The following EPHA6 variants were observed in gnomAD, a reference collection of about 807,000 sequenced individuals.
EPHA6 encodes ephrin type-A receptor 6.
A neutral mutation model predicts 112.0 loss-of-function variants in EPHA6; 50 were observed. The observed-to-expected ratio is 0.45, with a 90% CI of 0.36 to 0.56. EPHA6 has a LOEUF of 0.56. Among genes scored for constraint, EPHA6 ranks in the 20% least tolerant of loss-of-function variants. EPHA6 has a pLI of 0.00. For synonymous variants in EPHA6, 529 were observed against 490.7 expected, an observed-to-expected ratio of 1.08 and a Z score of -1.03; for missense variants, 1,280 against 1,417.4, an observed-to-expected ratio of 0.90 and a Z score of 1.56.
intron 5 of EPHA6, among the ~76,000 whole-genome samples, chr3:97,342,909 C>T (rs1179670420): frequency 6.6e-6 from 1 of 152,068 alleles, no homozygotes; most frequent in African/African-American, 2.4e-5. Flanking sequence ...GTGACAGCAG[C>T]CTGAGCTGAT....
At chr3:97,608,115 A>G (rs1287514412) in intron 12 of EPHA6, among the ~76,000 whole-genome samples, 1 of 151,108 alleles carries the variant, frequency 6.6e-6, no homozygotes, top group Non-Finnish European at 1.5e-5. Context: ...CCTTAGTTCA[A>G]TTAACAGCTG....
At chr3:97,060,907 G>A (rs1191421789) in intron 3 of EPHA6, among the ~76,000 whole-genome samples, 2 of 116,402 alleles carry the variant, frequency 1.7e-5, no homozygotes, top group Admixed American at 1.2e-4. Flanking sequence ...CTGGGCGACA[G>A]AGCCAGACTC....
chr3:97,424,109 G>A (rs1246708161), intron 6 of EPHA6, among the ~76,000 whole-genome samples: 3 of 152,318 alleles, frequency 2.0e-5, no homozygotes, highest in African/African-American at 7.2e-5. Context: ...AGGCGAATGA[G>A]GAGCAAAGTT....
intron 13 of EPHA6, among the ~76,000 whole-genome samples, chr3:97,634,190 G>A (rs2093926793): frequency 6.6e-6 from 1 of 152,066 alleles, no homozygotes; most frequent in Non-Finnish European, 1.5e-5. Flanking sequence ...TCTACAAGAT[G>A]AAGATAATCA....
intron 10 of EPHA6, among the ~76,000 whole-genome samples, chr3:97,520,011 A>G (rs1452146618): frequency 7.0e-6 from 1 of 143,812 alleles, no homozygotes; most frequent in East Asian, 2.0e-4. Flanking sequence ...TCTGTTGCCC[A>G]GGCTGGAGTG....
chr3:97,070,822 C>T (rs2046327035), intron 3 of EPHA6, among the ~76,000 whole-genome samples: 1 of 151,932 alleles, frequency 6.6e-6, no homozygotes, highest in Non-Finnish European at 1.5e-5. Flanking sequence ...TCTTTATGTC[C>T]ACAGTGCATT....
chr3:97,693,936 T>C (rs545654146), intron 14 of EPHA6, among the ~76,000 whole-genome samples: 2 of 152,388 alleles, frequency 1.3e-5, no homozygotes, highest in African/African-American at 4.8e-5. Context: ...CTGATGGTTA[T>C]AATTGTGCTT....
chr3:96,849,280 G>A (rs2035254118), intron 1 of EPHA6, among the ~76,000 whole-genome samples: 1 of 152,056 alleles, frequency 6.6e-6, no homozygotes, highest in Non-Finnish European at 1.5e-5. Flanking sequence ...GTAGTAATGT[G>A]GATGATTCTG....
At chr3:97,342,156 T>G (rs904865113) in intron 5 of EPHA6, among the ~76,000 whole-genome samples, 4 of 152,204 alleles carry the variant, frequency 2.6e-5, no homozygotes, top group African/African-American at 9.7e-5. Context: ...CTTTCGAATT[T>G]TCATAGCCCT....
At chr3:96,980,009 C>T (rs1302635266) in intron 2 of EPHA6, among the ~76,000 whole-genome samples, 1 of 152,136 alleles carries the variant, frequency 6.6e-6, no homozygotes, top group Non-Finnish European at 1.5e-5. Context: ...GTTGCCTGTT[C>T]ACTCTGATGG....
At chr3:97,564,003 G>A (rs1399671536) in intron 11 of EPHA6, among the ~76,000 whole-genome samples, 4 of 152,064 alleles carry the variant, frequency 2.6e-5, no homozygotes, top group Non-Finnish European at 5.9e-5. Flanking sequence ...GAAGATGGAG[G>A]CTAATAAAGG....
chr3:97,722,733 A>T (rs1387123356), intron 15 of EPHA6, among the ~76,000 whole-genome samples: 1 of 151,506 alleles, frequency 6.6e-6, no homozygotes, highest in Admixed American at 6.6e-5. Context: ...TGTTGATTTA[A>T]ATATATATAT....
chr3:97,469,220 T>C (rs1192832872), intron 7 of EPHA6, among the ~76,000 whole-genome samples: 5 of 151,692 alleles, frequency 3.3e-5, no homozygotes, highest in Non-Finnish European at 1.5e-5. Context: ...TAGTGTACAC[T>C]TTGGAATCTT....
intron 1 of EPHA6, among the ~76,000 whole-genome samples, chr3:96,829,186 A>C (rs1342595762): frequency 2.4e-4 from 36 of 152,178 alleles, no homozygotes. Flanking sequence ...CTTAAAATAT[A>C]TGAAAGTTCC....
chr3:96,889,838 A>G (rs1389161981), intron 2 of EPHA6, among the ~76,000 whole-genome samples: 2 of 152,200 alleles, frequency 1.3e-5, no homozygotes, highest in Non-Finnish European at 2.9e-5. Context: ...AGACAAATTT[A>G]CTAGCAGGAA....
rs1459490734 is a variant in EPHA6, at chr3:97,549,635, G to T, written c.2386+17092G>T. On this transcript the variant is annotated intron_variant, in intron 11 of 17. Transcript: ENST00000389672. ...CTGATCATCTTGGCCAAAGCAAAAAGTTTGTTTACAATGTTGAAATAAAAG... is the reference window on the plus strand; with the variant it reads ...CTGATCATCTTGGCCAAAGCAAAAATTTTGTTTACAATGTTGAAATAAAAG... Among the ~76,000 whole-genome samples the T allele has an allele frequency of 3.9e-5, 6 of 151,984 alleles. No individual in the cohort carries two copies. In the East Asian group the frequency reaches 7.7e-4, roughly 20 times the overall value.
chr3:97,745,398 C>G (rs1018517214), intron 16 of EPHA6: 4 of 452,464 alleles, frequency 8.8e-6, no homozygotes, highest in Non-Finnish European at 1.8e-5. Flanking sequence ...TAAAATGAAA[C>G]AGCCCACAAT....
At chr3:97,616,442 G>A (rs560766884) in intron 13 of EPHA6, among the ~76,000 whole-genome samples, 13 of 152,226 alleles carry the variant, frequency 8.5e-5, no homozygotes, top group Middle Eastern at 3.4e-3. Flanking sequence ...TGGCTGAGAC[G>A]ACAGAAGTAG....
At chr3:97,052,520 G>A (rs1457720310) in intron 3 of EPHA6, among the ~76,000 whole-genome samples, 5 of 152,022 alleles carry the variant, frequency 3.3e-5, no homozygotes, top group East Asian at 3.9e-4. Flanking sequence ...CAACATAGTC[G>A]CCACTCAATA....
Sources: allele counts gnomAD v4.1 joint callset (sites outside exome capture counted in the v4.1 genomes callset), GRCh38; gene constraint gnomAD v4.1.1; transcripts MANE v1.5; gene names NCBI Gene and HGNC (gene_info 2026-07-23, HGNC 2026-07-21).